Variants in MAML3 observed in about 807,000 individuals in gnomAD.
MAML3 encodes the protein mastermind-like protein 3.
Under a neutral mutation model 101.9 loss-of-function variants are expected in MAML3, and 27 were observed. The observed-to-expected ratio is 0.27, with a 90% CI of 0.20 to 0.37. The LOEUF (loss-of-function observed/expected upper bound fraction) is 0.37, where lower values mean the gene tolerates loss of function less well. Among genes scored for constraint, MAML3 ranks in the 10% least tolerant of loss-of-function variants. MAML3 has a pLI of 1.00. For missense variants in MAML3, 1,316 were observed against 1,444.9 expected, an observed-to-expected ratio of 0.91 and a Z score of 1.45; for synonymous variants, 501 against 555.9, an observed-to-expected ratio of 0.90 and a Z score of 1.39.
At chr4:139,962,824 T>G (rs2110777326) in intron 1 of MAML3, among the ~76,000 whole-genome samples, 1 of 152,302 alleles carries the variant, frequency 6.6e-6, no homozygotes, top group Middle Eastern at 3.4e-3. Context: ...GTCAATTCAT[T>G]TAGAAAATAT....
intron 1 of MAML3, among the ~76,000 whole-genome samples, chr4:139,961,582 G>T (rs1009489105): frequency 6.6e-6 from 1 of 152,082 alleles, no homozygotes; most frequent in Non-Finnish European, 1.5e-5. Flanking sequence ...AGATGTGCCT[G>T]GATTTCTAGT....
At chr4:139,893,333 C>G (rs1303923070) in intron 1 of MAML3, among the ~76,000 whole-genome samples, 1 of 152,170 alleles carries the variant, frequency 6.6e-6, no homozygotes, top group Admixed American at 6.5e-5. Flanking sequence ...ATGTTAGGTG[C>G]CTTCCTTGAC....
intron 1 of MAML3, among the ~76,000 whole-genome samples, chr4:139,992,901 T>G (rs2110830578): frequency 6.6e-6 from 1 of 152,204 alleles, no homozygotes; most frequent in South Asian, 2.1e-4. Flanking sequence ...GGTGTGAAAT[T>G]GTGTCTCCTT....
chr4:139,892,070 G>A (rs189691265), intron 1 of MAML3, among the ~76,000 whole-genome samples: 63 of 152,152 alleles, frequency 4.1e-4, no homozygotes, highest in African/African-American at 1.4e-3. Context: ...CTAGGCTGAC[G>A]GCCCCAAAAG....
At chr4:140,143,179 G>T (rs1042783497) in intron 1 of MAML3, among the ~76,000 whole-genome samples, 2 of 152,146 alleles carry the variant, frequency 1.3e-5, no homozygotes, top group Non-Finnish European at 2.9e-5. Flanking sequence ...ACTATGTCCT[G>T]CTGCAGCCCA....
At chr4:139,885,388 A>C (rs141109303) in intron 2 of MAML3, among the ~76,000 whole-genome samples, 16 of 152,270 alleles carry the variant, frequency 1.1e-4, no homozygotes, top group African/African-American at 2.4e-4. Flanking sequence ...TCTGGGCAAC[A>C]AAGTGAGACT....
Position 139,890,943 on chromosome 4 carries a change from A to G in MAML3, c.493T>C (p.Leu165=), listed in dbSNP as rs1732483736. 3.1e-6 allele frequency: 5 copies of G among 1,612,608 alleles called. No homozygotes were observed. Among genetic ancestry groups the G allele is most frequent in the Non-Finnish European group, 3.4e-6 (4 of 1,179,090 alleles). Residue 165 remains leucine (L), a synonymous_variant, in exon 2 of 5, where the codon TTG becomes CTG. Coordinates refer to ENST00000509479, the MANE Select transcript of MAML3 (RefSeq NM_018717.5). The surrounding 1 kb of genome is among the most constrained non-coding windows in gnomAD (Gnocchi z 4.1). The stretch of plus-strand genomic sequence containing the variant: ...TTAAGTGGTGATCGAGCTCCTTCCA[A>G]CTTCCTTTTCACAGTCTCTTGTAGC... ...IMLQETVKRK[L]EGARSPLNGD...
At chr4:139,807,865 A>G (rs1022526888) in intron 2 of MAML3, among the ~76,000 whole-genome samples, 2 of 151,282 alleles carry the variant, frequency 1.3e-5, no homozygotes, top group Admixed American at 6.6e-5. Context: ...CATACATGAT[A>G]CACTCCAAAT....
intron 1 of MAML3, among the ~76,000 whole-genome samples, chr4:139,997,335 T>G (rs146882481): frequency 5.3e-5 from 8 of 151,888 alleles, no homozygotes; most frequent in Non-Finnish European, 8.8e-5. Flanking sequence ...GTTATTTTCT[T>G]CATGGTTACT....
At chr4:139,756,081 A>G (rs1034860341) in intron 2 of MAML3, among the ~76,000 whole-genome samples, 3 of 152,094 alleles carry the variant, frequency 2.0e-5, no homozygotes, top group Non-Finnish European at 2.9e-5. Context: ...ATAGTAGAAG[A>G]AAAAAAAGCA....
At chr4:140,115,355 A>C (rs993187102) in intron 1 of MAML3, among the ~76,000 whole-genome samples, 14 of 152,232 alleles carry the variant, frequency 9.2e-5, no homozygotes, top group African/African-American at 3.4e-4. Context: ...TTTCACTTCT[A>C]AAATAAAACT....
chr4:139,817,625 T>C (rs1432842587), intron 2 of MAML3, among the ~76,000 whole-genome samples: 2 of 152,208 alleles, frequency 1.3e-5, no homozygotes, highest in African/African-American at 4.8e-5. Context: ...CACCTCCAAA[T>C]GAATCTCTTC....
At chr4:139,986,236 T>A (rs929900629) in intron 1 of MAML3, among the ~76,000 whole-genome samples, 19 of 152,062 alleles carry the variant, frequency 1.2e-4, no homozygotes, top group Admixed American at 3.3e-4. Context: ...ATTTGTTTAT[T>A]CTTCTTCTTT....
chr4:140,100,000 AC>A (rs967627871), intron 1 of MAML3, among the ~76,000 whole-genome samples: 1 of 151,940 alleles, frequency 6.6e-6, no homozygotes, highest in African/African-American at 2.4e-5. Context: ...CGTGTCCCCA[AC>A]CCATCTGTTC....
chr4:139,895,899 G>A (rs1732596172), intron 1 of MAML3, among the ~76,000 whole-genome samples: 1 of 152,168 alleles, frequency 6.6e-6, no homozygotes, highest in Non-Finnish European at 1.5e-5. Context: ...TCCACTGCAT[G>A]CCCCTTTAAC....
chr4:140,102,619 G>A (rs572576611), intron 1 of MAML3, among the ~76,000 whole-genome samples: 247 of 152,194 alleles, frequency 1.6e-3, no homozygotes, highest in Non-Finnish European at 2.9e-3. Context: ...TTCAAGGCCC[G>A]CCCTCCAAAT....
At chr4:139,999,327 T>C (rs1734878785) in intron 1 of MAML3, among the ~76,000 whole-genome samples, 1 of 152,218 alleles carries the variant, frequency 6.6e-6, no homozygotes, top group African/African-American at 2.4e-5. Flanking sequence ...AGCAGCAACC[T>C]GCCTGTCCTT....
rs545414089 is a variant in MAML3 at position 139,852,309 on chromosome 4, A to T, written c.2079+37048T>A. Among the ~76,000 whole-genome samples the T allele has an allele frequency of 5.5e-4, 84 of 152,176 alleles. 1 individual carries two copies. The highest frequency in any genetic ancestry group is 6.2e-4 in the Non-Finnish European group (42 of 68,000). ...ATGTCATGGTCACAGAGTAAAATGT[A>T]AAAGACATAGAAAGCACCATAGGTC... On this transcript the variant is annotated intron_variant, in intron 2 of 4. Transcript: ENST00000509479.
chr4:140,039,010 T>G (rs533244488), intron 1 of MAML3, among the ~76,000 whole-genome samples: 2 of 151,922 alleles, frequency 1.3e-5, no homozygotes, highest in East Asian at 3.9e-4. Flanking sequence ...TCCCAGCTAC[T>G]CGGGAGGATG....
Sources: allele counts gnomAD v4.1 joint callset (sites outside exome capture counted in the v4.1 genomes callset), GRCh38; gene constraint gnomAD v4.1.1; non-coding constraint Gnocchi (gnomAD v3.1); transcripts MANE v1.5; gene names NCBI Gene and HGNC (gene_info 2026-07-23, HGNC 2026-07-21).